CTNNA3: variants seen among roughly 807,000 people sequenced by gnomAD.
CTNNA3 encodes catenin alpha-3.
CTNNA3 carries 76 observed loss-of-function variants against 95.7 expected under a neutral mutation model. The ratio of observed to expected loss-of-function variants is 0.79; its 90% CI spans 0.66 to 0.96. CTNNA3 has a LOEUF of 0.96. CTNNA3 is among the 40% of genes least tolerant of loss of function. CTNNA3 has a pLI of 0.00. For missense variants in CTNNA3, 1,191 were observed against 1,089.8 expected (o/e 1.09, Z -1.31); for synonymous variants, 431 against 374.4 (o/e 1.15, Z -1.74).
chr10:67,719,964 C>G (rs1841168343), intron 1 of CTNNA3, among the ~76,000 whole-genome samples: 1 of 151,636 alleles, frequency 6.6e-6, no homozygotes. Flanking sequence ...TAAGAACTTG[C>G]TTTATGAATC....
intron 10 of CTNNA3, among the ~76,000 whole-genome samples, chr10:66,610,287 T>C (rs2660035): frequency 0.71 from 107,612 of 151,906 alleles, 39,068 homozygotes; most frequent in East Asian, 0.92. Flanking sequence ...CCCCGTGACA[T>C]GAGCTTACCC....
At chr10:67,588,343 CT>C (rs1182604532) in intron 3 of CTNNA3, among the ~76,000 whole-genome samples, 3 of 151,656 alleles carry the variant, frequency 2.0e-5, no homozygotes, top group African/African-American at 4.8e-5. Context: ...TTTGAATTTA[CT>C]TTTTTTCATG....
At chr10:67,480,491 C>T (rs1381615544) in intron 5 of CTNNA3, among the ~76,000 whole-genome samples, 4 of 152,154 alleles carry the variant, frequency 2.6e-5, no homozygotes, top group African/African-American at 4.8e-5. Context: ...TGGAAGTTGC[C>T]GGTTTACCAG....
Position 66,065,237 on chromosome 10 carries a change from TTTG to T in CTNNA3, c.2159+4068_2159+4070del, listed in dbSNP as rs200964444. On this transcript the variant is annotated intron_variant, in intron 15 of 17. Coordinates refer to ENST00000433211, the MANE Select transcript of CTNNA3 (RefSeq NM_013266.4). ...CTTATGTTGGTTTAAATGGTTTTTT[TTTG>T]TTTTGTTTTGTTTTGTTTTCCCTTC... 9.6e-3 allele frequency among the ~76,000 whole-genome samples: 1,353 copies of T among 140,726 alleles called. 15 individuals carry two copies. The highest frequency in any genetic ancestry group is 0.032 in the African/African-American group (1,194 of 37,736). 92.3% of individuals were successfully genotyped at this position (140,726 alleles called of 152,430 possible). A position where few individuals can be genotyped will look rare whatever the true frequency, so the allele number is the denominator to read the frequency against.
chr10:66,084,237 T>C (rs1019088660), intron 14 of CTNNA3, among the ~76,000 whole-genome samples: 9 of 151,676 alleles, frequency 5.9e-5, no homozygotes, highest in African/African-American at 2.2e-4. Context: ...AAAATGTAGT[T>C]CTGCAGGCTC....
intron 12 of CTNNA3, among the ~76,000 whole-genome samples, chr10:66,354,289 A>AT (rs1490417394): frequency 1.1e-3 from 161 of 142,568 alleles, no homozygotes; most frequent in African/African-American, 4.1e-3. Context: ...CATCTCAAAA[A>AT]TAAAAAAAAA....
At chr10:67,514,306 A>G (rs561132589) in intron 5 of CTNNA3, among the ~76,000 whole-genome samples, 3 of 152,312 alleles carry the variant, frequency 2.0e-5, no homozygotes, top group African/African-American at 7.2e-5. Flanking sequence ...TCAAACATAA[A>G]AAATAAAATA....
intron 6 of CTNNA3, among the ~76,000 whole-genome samples, chr10:67,198,491 A>C (rs1230521148): frequency 2.0e-5 from 3 of 152,210 alleles, no homozygotes; most frequent in Admixed American, 2.0e-4. Flanking sequence ...ATATAGAGAT[A>C]CTGAGCATCA....
At chr10:66,916,301 G>A (rs1241885031) in intron 7 of CTNNA3, among the ~76,000 whole-genome samples, 1 of 152,176 alleles carries the variant, frequency 6.6e-6, no homozygotes, top group Admixed American at 6.5e-5. Flanking sequence ...AACATGGGAA[G>A]CAGGGAGAGT....
chr10:67,584,502 C>G (rs1316721298), intron 3 of CTNNA3, among the ~76,000 whole-genome samples: 1 of 152,194 alleles, frequency 6.6e-6, no homozygotes, highest in Non-Finnish European at 1.5e-5. Flanking sequence ...CCCAGTTAGG[C>G]TACTCGCGGG....
At chr10:66,352,664 T>G (rs2092575874) in intron 12 of CTNNA3, among the ~76,000 whole-genome samples, 1 of 152,054 alleles carries the variant, frequency 6.6e-6, no homozygotes, top group Admixed American at 6.6e-5. Context: ...GCACAGAGAC[T>G]CTCACTTCTT....
intron 10 of CTNNA3, among the ~76,000 whole-genome samples, chr10:66,602,118 G>T (rs1296796781): frequency 6.6e-6 from 1 of 151,804 alleles, no homozygotes; most frequent in Non-Finnish European, 1.5e-5. Context: ...AAGGTCTTTT[G>T]GTTGGAAAAC....
At chr10:67,568,080 C>G (rs1187918692) in intron 3 of CTNNA3, among the ~76,000 whole-genome samples, 1 of 152,102 alleles carries the variant, frequency 6.6e-6, no homozygotes, top group Non-Finnish European at 1.5e-5. Context: ...GGGACTTTCT[C>G]TCTCCCTTGT....
At chr10:67,741,877 T>A (rs1444402644) in intron 1 of CTNNA3, among the ~76,000 whole-genome samples, 1 of 151,028 alleles carries the variant, frequency 6.6e-6, no homozygotes, top group Non-Finnish European at 1.5e-5. Context: ...TAAAACAGAC[T>A]TTAAACCAAC....
intron 7 of CTNNA3, among the ~76,000 whole-genome samples, chr10:67,124,333 GGT>G (rs141981196): frequency 0.4 from 57,326 of 141,620 alleles, 11,373 homozygotes; most frequent in East Asian, 0.49. Context: ...GTGTGTTAGC[GGT>G]GTGTGTGTGT....
rs201937548 is a variant in CTNNA3 at position 66,067,915 on chromosome 10, C to CA, written c.2159+1392dup. 6.4e-3 allele frequency among the ~76,000 whole-genome samples: 960 copies of CA among 149,322 alleles called. 23 individuals carry two copies. Among genetic ancestry groups the CA allele is most frequent in the Admixed American group, 0.046 (698 of 15,030 alleles). ...TGGATGACAGAGCGAGACTCCATCT[C>CA]AAAAAAAAATAAAAAGTTTATCACT... On this transcript the variant is annotated intron_variant, in intron 15 of 17. Transcript: ENST00000433211.
chr10:67,092,328 C>G (rs138987934), intron 7 of CTNNA3, among the ~76,000 whole-genome samples: 2,472 of 151,958 alleles, frequency 0.016, 57 homozygotes, highest in Non-Finnish European at 0.018. Flanking sequence ...ATACTAAAAT[C>G]TCTATTCAGA....
At chr10:67,721,324 G>A (rs192247708) in intron 1 of CTNNA3, among the ~76,000 whole-genome samples, 1 of 151,796 alleles carries the variant, frequency 6.6e-6, no homozygotes, top group African/African-American at 2.4e-5. Flanking sequence ...CTTTTCACAT[G>A]GTCCCATATT....
chr10:67,110,348 C>T (rs183044374), intron 7 of CTNNA3, among the ~76,000 whole-genome samples: 54 of 152,114 alleles, frequency 3.5e-4, no homozygotes, highest in Non-Finnish European at 6.0e-4. Context: ...GTCTGGGAAA[C>T]TCCACTTGGC....
Sources: allele counts gnomAD v4.1 joint callset (sites outside exome capture counted in the v4.1 genomes callset), GRCh38; gene constraint gnomAD v4.1.1; transcripts MANE v1.5; gene names NCBI Gene and HGNC (gene_info 2026-07-23, HGNC 2026-07-21).